The following ZNF609 variants were observed in gnomAD, a reference collection of about 807,000 sequenced individuals.
ZNF609 encodes the protein zinc finger protein 609.
ZNF609 carries 11 observed loss-of-function variants against 109.5 expected under a neutral mutation model. The observed-to-expected ratio is 0.10, with a 90% CI of 0.06 to 0.17. The LOEUF is 0.17. Among genes scored for constraint, ZNF609 ranks in the 10% least tolerant of loss-of-function variants. The pLI is 1.00. For missense variants in ZNF609, 1,559 were observed against 1,772.4 expected, an observed-to-expected ratio of 0.88 and a Z score of 2.16; for synonymous variants, 646 against 662.0, an observed-to-expected ratio of 0.98 and a Z score of 0.37.
At chr15:64,620,731 T>C (rs890605897) in intron 2 of ZNF609, among the ~76,000 whole-genome samples, 1 of 152,186 alleles carries the variant, frequency 6.6e-6, no homozygotes, top group Non-Finnish European at 1.5e-5. Flanking sequence ...TGTATGAACA[T>C]TCTGTGGACT....
chr15:64,616,031 T>G (rs575900581), intron 2 of ZNF609, among the ~76,000 whole-genome samples: 14 of 152,290 alleles, frequency 9.2e-5, no homozygotes, highest in African/African-American at 2.9e-4. Flanking sequence ...ATTTCTTTTT[T>G]TTTCAGATAG....
Position 64,540,071 on chromosome 15 carries a change from C to G in ZNF609, c.747+39905C>G, listed in dbSNP as rs79354999. 9.3e-3 allele frequency among the ~76,000 whole-genome samples: 1,423 copies of G among 152,352 alleles called. 25 individuals carry two copies. Among genetic ancestry groups the G allele is most frequent in the African/African-American group, 0.033 (1,356 of 41,576 alleles). ...TACAGGTGTGAACCAGCTTACCTGG[C>G]CAAGAGTTTTATTACTAGCTGGATT... On this transcript the variant is annotated intron_variant, in intron 2 of 9. Transcript: ENST00000326648.
chr15:64,643,381 A>G (rs568059230), intron 3 of ZNF609, among the ~76,000 whole-genome samples: 10 of 152,210 alleles, frequency 6.6e-5, no homozygotes, highest in Non-Finnish European at 1.5e-4. Context: ...GAAAACTACT[A>G]GTACTGACTG....
At chr15:64,463,859 C>G (rs1892976077) in intron 1 of ZNF609, among the ~76,000 whole-genome samples, 1 of 152,186 alleles carries the variant, frequency 6.6e-6, no homozygotes, top group South Asian at 2.1e-4. Flanking sequence ...AAGCTTTTTG[C>G]TCTTGGGCTC....
At chr15:64,529,384 C>T (rs891941089) in intron 2 of ZNF609, 12 of 741,496 alleles carry the variant, frequency 1.6e-5, no homozygotes, top group Non-Finnish European at 2.2e-5. Context: ...GTGAACTCTA[C>T]GACGTACTCA....
At chr15:64,480,732 A>T (rs1000855021) in intron 1 of ZNF609, among the ~76,000 whole-genome samples, 1 of 152,222 alleles carries the variant, frequency 6.6e-6, no homozygotes, top group Non-Finnish European at 1.5e-5. Flanking sequence ...AGTAGCATGG[A>T]AGTTTGAAAG....
Position 64,674,702 on chromosome 15 carries a change from G to A in ZNF609, c.1848G>A (p.Met616Ile). 3 of 1,614,100 alleles carry A rather than the reference G, an allele frequency of 1.9e-6. No homozygotes were observed. The highest frequency in any genetic ancestry group is 2.2e-5 in the East Asian group (1 of 44,880). Residue 616 changes from methionine to isoleucine, a missense_variant, in exon 5 of 10, where the codon ATG becomes ATA. Met to Ile is a conservative substitution (Grantham distance 10, BLOSUM62 1). This residue lies in a region of ZNF609 where 1,204 missense variants were observed against 1,314.1 expected (regional missense o/e 0.92). Transcript: ENST00000326648. ...NDGSDDGPSV[M>I]DETSNDAFDS... is the part of the protein sequence containing the mutation. The stretch of plus-strand genomic sequence containing the variant: ...GCTCTGATGATGGACCCTCAGTGAT[G>A]GATGAAACAAGCAATGATGCCTTTG...
chr15:64,516,941 G>C (rs372894443), intron 2 of ZNF609, among the ~76,000 whole-genome samples: 1 of 152,126 alleles, frequency 6.6e-6, no homozygotes, highest in Non-Finnish European at 1.5e-5. Context: ...GGTTCCAGCA[G>C]TCCCTTATAC....
intron 2 of ZNF609, among the ~76,000 whole-genome samples, chr15:64,536,502 T>C (rs187355710): frequency 2.6e-5 from 4 of 152,258 alleles, no homozygotes; most frequent in South Asian, 2.1e-4. Flanking sequence ...TTGAGTTATA[T>C]AGTTTCTGAA....
chr15:64,575,854 G>A (rs1052297597), intron 2 of ZNF609, among the ~76,000 whole-genome samples: 1 of 152,196 alleles, frequency 6.6e-6, no homozygotes, highest in African/African-American at 2.4e-5. Context: ...TGTAATCCCA[G>A]CACTTTGGGA....
At chr15:64,489,161 G>C (rs1022039038) in intron 1 of ZNF609, among the ~76,000 whole-genome samples, 4 of 151,508 alleles carry the variant, frequency 2.6e-5, no homozygotes, top group African/African-American at 9.7e-5. Context: ...CTGTGTGCAA[G>C]CCTAGTTTTG....
chr15:64,659,400 A>G (rs922903536), intron 3 of ZNF609, among the ~76,000 whole-genome samples: 1 of 152,182 alleles, frequency 6.6e-6, no homozygotes, highest in Non-Finnish European at 1.5e-5. Flanking sequence ...GAATCATGTA[A>G]TTAGTGGATG....
chr15:64,508,240 A>C (rs1165680396), intron 2 of ZNF609, among the ~76,000 whole-genome samples: 1 of 152,196 alleles, frequency 6.6e-6, no homozygotes, highest in African/African-American at 2.4e-5. Flanking sequence ...TGGTATTACA[A>C]AGCAATCTAC....
chr15:64,553,582 T>C (rs1308012384), intron 2 of ZNF609, among the ~76,000 whole-genome samples: 1 of 151,156 alleles, frequency 6.6e-6, no homozygotes, highest in Non-Finnish European at 1.5e-5. Context: ...TTTTATTTTT[T>C]ATTTTTATTT....
At chr15:64,578,772 A>G (rs1895044778) in intron 2 of ZNF609, among the ~76,000 whole-genome samples, 1 of 152,174 alleles carries the variant, frequency 6.6e-6, no homozygotes, top group African/African-American at 2.4e-5. Flanking sequence ...GCCAAGGCGC[A>G]TGGATTGCGT....
At chr15:64,474,455 C>T (rs71394560) in intron 1 of ZNF609, among the ~76,000 whole-genome samples, 2,213 of 152,188 alleles carry the variant, frequency 0.015, 26 homozygotes, top group Non-Finnish European at 0.022. Context: ...TCAGGTGATC[C>T]GCCTGCCTCA....
At chr15:64,578,818 G>A (rs1479140947) in intron 2 of ZNF609, among the ~76,000 whole-genome samples, 1 of 152,164 alleles carries the variant, frequency 6.6e-6, no homozygotes, top group Admixed American at 6.6e-5. Context: ...CAGCAACATG[G>A]CGAAATCCCA....
chr15:64,517,884 A>C (rs1595705397), intron 2 of ZNF609, among the ~76,000 whole-genome samples: 1 of 151,910 alleles, frequency 6.6e-6, no homozygotes, highest in Non-Finnish European at 1.5e-5. Context: ...GGCTCAAGTG[A>C]TCCTCCCAAC....
rs1893794258 is a variant in ZNF609 at position 64,515,584 on chromosome 15, AG to A, written c.747+15420del. On this transcript the variant is annotated intron_variant, in intron 2 of 9. Transcript: ENST00000326648. ...TTTAAAGGGGGGAGGGGTAGGATAG[AG>A]GAGACTTAAAGGCTTAAAATAATGT... Among the ~76,000 whole-genome samples, 4 of 152,100 alleles carry A rather than the reference AG, an allele frequency of 2.6e-5. No homozygotes were observed. In the East Asian group the frequency reaches 7.7e-4, roughly 29 times the overall value.
Sources: gnomAD v4.1 joint callset for allele counts (sites outside exome capture counted in the v4.1 genomes callset) on GRCh38, gnomAD v4.1.1 for gene constraint, gnomAD v4.1.1 regional missense constraint, MANE v1.5 for transcripts, NCBI Gene and HGNC (gene_info 2026-07-23, HGNC 2026-07-21) for gene names.